The following GSK3B variants were observed in gnomAD, a reference collection of about 807,000 sequenced individuals.
GSK3B encodes the protein glycogen synthase kinase 3 beta, also known as glycogen synthase kinase-3 beta.
GSK3B carries 15 observed loss-of-function variants against 56.4 expected under a neutral mutation model. The ratio of observed to expected loss-of-function variants is 0.27; its 90% CI spans 0.18 to 0.41. The LOEUF (loss-of-function observed/expected upper bound fraction) is 0.41, where lower values mean the gene tolerates loss of function less well. Among genes scored for constraint, GSK3B ranks in the 10% least tolerant of loss-of-function variants. GSK3B has a pLI of 1.00. For synonymous variants in GSK3B, 181 were observed against 188.9 expected (o/e 0.96, Z 0.34); for missense variants, 300 against 513.4 (o/e 0.58, Z 4.02).
At chr3:120,022,490 A>G (rs1040810142) in intron 1 of GSK3B, among the ~76,000 whole-genome samples, 1 of 152,088 alleles carries the variant, frequency 6.6e-6, no homozygotes, top group African/African-American at 2.4e-5. Flanking sequence ...TCAAATCCAT[A>G]TTGGTTTTTG....
At chr3:120,093,010 G>A (rs1186643598) in intron 1 of GSK3B, among the ~76,000 whole-genome samples, 1 of 152,160 alleles carries the variant, frequency 6.6e-6, no homozygotes, top group Non-Finnish European at 1.5e-5. Flanking sequence ...TTATTCTAAA[G>A]GATGGGCAAG....
intron 10 of GSK3B, among the ~76,000 whole-genome samples, chr3:119,836,298 T>C (rs1577304666): frequency 6.6e-6 from 1 of 152,240 alleles, no homozygotes; most frequent in East Asian, 1.9e-4. Flanking sequence ...CAAACCAAGA[T>C]GAAGACAAGT....
chr3:119,864,037 TCAAA>T (rs2056144487), intron 8 of GSK3B, among the ~76,000 whole-genome samples: 1 of 152,162 alleles, frequency 6.6e-6, no homozygotes. Flanking sequence ...AACTTGGCAA[TCAAA>T]CAGAAGAGAA....
At chr3:119,905,916 T>C (rs1054595372) in intron 6 of GSK3B, 64 bp from the exon 7 acceptor site, 1 of 902,118 alleles carries the variant, frequency 1.1e-6, no homozygotes, top group African/African-American at 1.6e-5. Context: ...AGTGTTTGTA[T>C]ACGTTTTCTA....
At chr3:120,004,103 C>T (rs1156597311) in intron 1 of GSK3B, among the ~76,000 whole-genome samples, 3 of 152,270 alleles carry the variant, frequency 2.0e-5, no homozygotes, top group Non-Finnish European at 2.9e-5. Flanking sequence ...CCTCCCATGC[C>T]TGACTCGGCG....
intron 1 of GSK3B, among the ~76,000 whole-genome samples, chr3:120,043,546 G>A (rs536891524): frequency 2.0e-5 from 3 of 152,226 alleles, no homozygotes; most frequent in African/African-American, 4.8e-5. Context: ...CTTGCTCATG[G>A]CAGGGGTACC....
rs79778347 is a variant in GSK3B, at chr3:119,862,667, G to GTT, written c.1096+750_1096+751dup. Among the ~76,000 whole-genome samples, 235 of 110,392 alleles carry GTT rather than the reference G, an allele frequency of 2.1e-3. 3 individuals are homozygous for GTT. Among genetic ancestry groups the GTT allele is most frequent in the African/African-American group, 5.4e-3 (159 of 29,406 alleles). 72.4% of individuals were successfully genotyped at this position (110,392 alleles called of 152,430 possible). The stretch of plus-strand genomic sequence containing the variant: ...CTAATCAATATATCAACTATTTCTT[G>GTT]TTTTTTTTTTTTTTTTTTTGTAATG... On this transcript the variant is annotated intron_variant, in intron 9 of 10. Coordinates refer to ENST00000264235, the MANE Select transcript of GSK3B (RefSeq NM_001146156.2).
intron 9 of GSK3B, among the ~76,000 whole-genome samples, chr3:119,855,076 TATATGC>T (rs1163146471): frequency 3.2e-4 from 48 of 152,370 alleles, no homozygotes; most frequent in South Asian, 2.9e-3. Context: ...AATTTTCCTC[TATATGC>T]TGCTTTAAAT....
At chr3:119,852,444 G>T (rs981007822) in intron 9 of GSK3B, among the ~76,000 whole-genome samples, 1 of 151,862 alleles carries the variant, frequency 6.6e-6, no homozygotes, top group African/African-American at 2.4e-5. Context: ...TGCCTCCTGG[G>T]TTCAGGCGAT....
intron 1 of GSK3B, among the ~76,000 whole-genome samples, chr3:120,037,799 T>C (rs895211305): frequency 1.3e-5 from 2 of 152,124 alleles, no homozygotes; most frequent in Admixed American, 1.3e-4. Context: ...TTATTCTAGG[T>C]CAGTCATTAA....
At chr3:120,035,098 A>G (rs1162577095) in intron 1 of GSK3B, among the ~76,000 whole-genome samples, 1 of 152,194 alleles carries the variant, frequency 6.6e-6, no homozygotes, top group Non-Finnish European at 1.5e-5. Flanking sequence ...ATCTCAAAAA[A>G]AAAAATTAAA....
chr3:119,875,860 T>C (rs1383123585), intron 8 of GSK3B, among the ~76,000 whole-genome samples: 1 of 152,138 alleles, frequency 6.6e-6, no homozygotes, highest in Non-Finnish European at 1.5e-5. Context: ...AGGTTGGGTT[T>C]TTCCAAAGGC....
At chr3:119,994,786 T>A (rs754765203) in intron 2 of GSK3B, among the ~76,000 whole-genome samples, 2 of 152,130 alleles carry the variant, frequency 1.3e-5, no homozygotes, top group African/African-American at 4.8e-5. Context: ...TATAGAAGAC[T>A]AGAGATATCA....
At chr3:119,894,273 A>T (rs2056537545) in intron 7 of GSK3B, among the ~76,000 whole-genome samples, 1 of 152,066 alleles carries the variant, frequency 6.6e-6, no homozygotes, top group Non-Finnish European at 1.5e-5. Context: ...AGTTATTAGG[A>T]TATATACCTA....
At chr3:119,975,289 A>ATTT (rs775838996) in intron 2 of GSK3B, among the ~76,000 whole-genome samples, 12 of 152,178 alleles carry the variant, frequency 7.9e-5, no homozygotes, top group Non-Finnish European at 1.0e-4. Context: ...TCTACTAAAA[A>ATTT]TACAAAAATT....
At chr3:120,086,983 C>A (rs1559907968) in intron 1 of GSK3B, among the ~76,000 whole-genome samples, 2 of 152,148 alleles carry the variant, frequency 1.3e-5, no homozygotes, top group Non-Finnish European at 2.9e-5. Context: ...TTCCCCTGAT[C>A]TGTGATTTCA....
At chr3:120,000,918 CTTTTTTTTTT>C (rs71156781) in intron 2 of GSK3B, among the ~76,000 whole-genome samples, 1 of 91,054 alleles carries the variant, frequency 1.1e-5, no homozygotes, top group South Asian at 3.6e-4. Flanking sequence ...ATGTAATCTC[CTTTTTTTTTT>C]TTTTTTTTTT....
At chr3:119,986,318 A>T (rs2057515065) in intron 2 of GSK3B, among the ~76,000 whole-genome samples, 1 of 152,228 alleles carries the variant, frequency 6.6e-6, no homozygotes, top group Admixed American at 6.5e-5. Flanking sequence ...TGGCAACAAA[A>T]GCCAAAATAG....
At chr3:119,984,882 A>AT (rs2057500219) in intron 2 of GSK3B, among the ~76,000 whole-genome samples, 1 of 152,216 alleles carries the variant, frequency 6.6e-6, no homozygotes, top group African/African-American at 2.4e-5. Flanking sequence ...CAGAGACACA[A>AT]CAAAAAAAGG....
Sources: allele counts gnomAD v4.1 joint callset (sites outside exome capture counted in the v4.1 genomes callset), GRCh38; gene constraint gnomAD v4.1.1; transcripts MANE v1.5; gene names NCBI Gene and HGNC (gene_info 2026-07-23, HGNC 2026-07-21).